PAIP2B: variants seen among roughly 807,000 people sequenced by gnomAD.
PAIP2B encodes polyadenylate-binding protein-interacting protein 2B.
Under a neutral mutation model 17.0 loss-of-function variants are expected in PAIP2B, and 13 were observed. That is an observed-to-expected ratio of 0.76 (90% CI 0.50 to 1.22). The LOEUF is 1.22. PAIP2B is among the 50% of genes most tolerant of loss of function. PAIP2B has a pLI of 0.00. For missense variants in PAIP2B, 117 were observed against 144.5 expected (o/e 0.81, Z 0.98); for synonymous variants, 43 against 48.7 (o/e 0.88, Z 0.48).
At chr2:71,192,943 C>G (rs901212042) in intron 2 of PAIP2B, among the ~76,000 whole-genome samples, 12 of 152,156 alleles carry the variant, frequency 7.9e-5, no homozygotes, top group Non-Finnish European at 5.9e-5. Context: ...TTACATTCCT[C>G]TGGGTCTACA....
chr2:71,217,418 C>T (rs1675456671), intron 1 of PAIP2B, among the ~76,000 whole-genome samples: 1 of 152,202 alleles, frequency 6.6e-6, no homozygotes, highest in South Asian at 2.1e-4. Flanking sequence ...GCTGGGGTTA[C>T]AGGTGTGAGC....
rs765877194 is a variant in PAIP2B, at chr2:71,188,552, G to A, written c.316-17C>T. The stretch of plus-strand genomic sequence containing the variant: ...ACTTTTGCTCTGAAATAAGAACCAA[G>A]AGATAGTAAATCCTAAGGCAAGCTG... On this transcript the variant is annotated splice_polypyrimidine_tract_variant and intron_variant, in intron 3 of 3. Transcript: ENST00000244221. 23 of 1,595,178 alleles carry A rather than the reference G, an allele frequency of 1.4e-5. No individual in the cohort carries two copies. The highest frequency in any genetic ancestry group is 1.9e-5 in the Non-Finnish European group (22 of 1,169,110).
chr2:71,205,425 GAAC>G (rs1023162263), intron 1 of PAIP2B, among the ~76,000 whole-genome samples: 2 of 152,174 alleles, frequency 1.3e-5, no homozygotes, highest in African/African-American at 4.8e-5. Context: ...CATAGTTCAA[GAAC>G]AACATTGTTT....
At chr2:71,216,273 G>A (rs1201707054) in intron 1 of PAIP2B, among the ~76,000 whole-genome samples, 1 of 152,164 alleles carries the variant, frequency 6.6e-6, no homozygotes, top group Non-Finnish European at 1.5e-5. Flanking sequence ...ATGGGGGAGA[G>A]AAGAAGGACA....
intron 1 of PAIP2B, among the ~76,000 whole-genome samples, chr2:71,220,406 T>C (rs1297194815): frequency 6.6e-6 from 1 of 152,210 alleles, no homozygotes; most frequent in East Asian, 1.9e-4. Flanking sequence ...TGTATATGCA[T>C]AGAAAGTATA....
intron 2 of PAIP2B, among the ~76,000 whole-genome samples, chr2:71,190,782 G>A (rs1186073936): frequency 6.6e-6 from 1 of 152,172 alleles, no homozygotes; most frequent in Non-Finnish European, 1.5e-5. Context: ...CCTGGCTAGT[G>A]GAGATAAAAT....
rs1674540317 is a variant in PAIP2B, at chr2:71,186,379, G to A, written c.*2100C>T. On this transcript the variant is annotated 3_prime_UTR_variant, in exon 4 of 4. Transcript: ENST00000244221. ...CCTATACCTGGAGTCAGTATGTTCA[G>A]TGTCTGAAGAAGACTAGAAATGCCA... 1.3e-5 allele frequency: 2 copies of A among 152,236 alleles called. 1 individual carries two copies. The highest frequency in any genetic ancestry group is 4.1e-4 in the South Asian group (2 of 4,830). 9.4% of individuals were successfully genotyped at this position (152,236 alleles called of 1,614,324 possible). A position where few individuals can be genotyped will look rare whatever the true frequency, so the allele number is the denominator to read the frequency against.
chr2:71,199,300 C>T (rs1254007901), intron 2 of PAIP2B, among the ~76,000 whole-genome samples: 3 of 151,942 alleles, frequency 2.0e-5, no homozygotes, highest in Non-Finnish European at 4.4e-5. Context: ...AAAAAAGCCC[C>T]CTTAATCTCA....
chr2:71,219,444 A>G (rs558632206), intron 1 of PAIP2B, among the ~76,000 whole-genome samples: 1 of 152,170 alleles, frequency 6.6e-6, no homozygotes, highest in African/African-American at 2.4e-5. Flanking sequence ...AAGCTGCCCC[A>G]TATTCCTTTT....
chr2:71,202,339 G>A (rs1675004989), intron 2 of PAIP2B, 113 bp downstream of exon 2: 3 of 1,370,612 alleles, frequency 2.2e-6, no homozygotes, highest in Non-Finnish European at 2.0e-6. Flanking sequence ...GAATTTTTAA[G>A]TTATTCTAAA....
At chr2:71,221,909 C>T (rs1194008688) in intron 1 of PAIP2B, among the ~76,000 whole-genome samples, 1 of 152,092 alleles carries the variant, frequency 6.6e-6, no homozygotes, top group African/African-American at 2.4e-5. Context: ...TAAAAGTAGC[C>T]AATCGCAGGG....
intron 1 of PAIP2B, among the ~76,000 whole-genome samples, chr2:71,217,244 C>T (rs1675449434): frequency 6.6e-6 from 1 of 152,194 alleles, no homozygotes; most frequent in South Asian, 2.1e-4. Context: ...AGTGATTCTC[C>T]TGCCTCAGCC....
intron 3 of PAIP2B, among the ~76,000 whole-genome samples, chr2:71,188,903 T>C (rs908114347): frequency 6.6e-6 from 1 of 152,148 alleles, no homozygotes; most frequent in African/African-American, 2.4e-5. Flanking sequence ...TTCTGTACTC[T>C]CTTTGGTTCT....
chr2:71,194,459 T>TTGTGTG (rs141924993), intron 2 of PAIP2B, among the ~76,000 whole-genome samples: 9,916 of 143,370 alleles, frequency 0.069, 336 homozygotes, highest in East Asian at 0.11. Context: ...TATTCCTAGG[T>TTGTGTG]TGTGTGTGTG....
chr2:71,185,258 T>A lies in PAIP2B; in HGVS notation c.*3221A>T, dbSNP rs888987091. On this transcript the variant is annotated 3_prime_UTR_variant, in exon 4 of 4. Transcript: ENST00000244221. ...GCCATGGTTAGCATTATAACCTTAA[T>A]TAAAGAGACCCCAGGCTGGGGTGGC... 1 of 152,028 alleles carries A rather than the reference T, an allele frequency of 6.6e-6. No homozygotes were observed. The highest frequency in any genetic ancestry group is 2.4e-5 in the African/African-American group (1 of 41,386). 9.4% of individuals were successfully genotyped at this position (152,028 alleles called of 1,614,324 possible).
intron 2 of PAIP2B, among the ~76,000 whole-genome samples, chr2:71,201,844 A>G (rs919161941): frequency 6.6e-6 from 1 of 152,226 alleles, no homozygotes; most frequent in African/African-American, 2.4e-5. Context: ...CACATTGATC[A>G]CTACAGAGAG....
chr2:71,222,365 A>G (rs1029288642), intron 1 of PAIP2B, among the ~76,000 whole-genome samples: 1 of 152,218 alleles, frequency 6.6e-6, no homozygotes, highest in African/African-American at 2.4e-5. Context: ...AACTTCAGGG[A>G]GATCAATCAC....
chr2:71,218,985 G>A (rs1675505642), intron 1 of PAIP2B, among the ~76,000 whole-genome samples: 1 of 145,158 alleles, frequency 6.9e-6, no homozygotes, highest in Non-Finnish European at 1.5e-5. Context: ...GCGCGATCTT[G>A]GCTCACTGCA....
At chr2:71,221,719 C>G (rs1675585344) in intron 1 of PAIP2B, among the ~76,000 whole-genome samples, 1 of 152,192 alleles carries the variant, frequency 6.6e-6, no homozygotes, top group African/African-American at 2.4e-5. Flanking sequence ...AAGAAACTCT[C>G]CAAAGGGTTC....
Sources: gnomAD v4.1 joint callset for allele counts (sites outside exome capture counted in the v4.1 genomes callset) on GRCh38, gnomAD v4.1.1 for gene constraint, MANE v1.5 for transcripts, NCBI Gene and HGNC (gene_info 2026-07-23, HGNC 2026-07-21) for gene names.